ATP6V0A1: variants seen among roughly 807,000 people sequenced by gnomAD.
ATP6V0A1 encodes V-type proton ATPase 116 kDa subunit a 1.
ATP6V0A1 carries 43 observed loss-of-function variants against 105.4 expected under a neutral mutation model. The observed-to-expected ratio is 0.41, with a 90% CI of 0.32 to 0.53. The LOEUF (loss-of-function observed/expected upper bound fraction) is 0.53. Among genes scored for constraint, ATP6V0A1 ranks in the 20% least tolerant of loss-of-function variants. ATP6V0A1 has a pLI of 0.30. For missense variants in ATP6V0A1, 676 were observed against 1,051.1 expected, an observed-to-expected ratio of 0.64 and a Z score of 4.93; for synonymous variants, 362 against 372.8, an observed-to-expected ratio of 0.97 and a Z score of 0.33.
chr17:42,475,504 A>G (rs183929937), intron 5 of ATP6V0A1, among the ~76,000 whole-genome samples: 8 of 152,334 alleles, frequency 5.3e-5, no homozygotes. Flanking sequence ...CTTTCTCAAA[A>G]CATTATGAGA....
chr17:42,484,948 C>G (rs1011819075), intron 9 of ATP6V0A1, among the ~76,000 whole-genome samples: 1 of 150,740 alleles, frequency 6.6e-6, no homozygotes, highest in African/African-American at 2.4e-5. Context: ...CTCACAGATT[C>G]AAGCAATTCT....
intron 2 of ATP6V0A1, among the ~76,000 whole-genome samples, chr17:42,463,918 G>A (rs576537143): frequency 6.6e-6 from 1 of 152,250 alleles, no homozygotes; most frequent in Admixed American, 6.5e-5. Context: ...AAAATCATAA[G>A]GAAGATAAAC....
Position 42,501,249 on chromosome 17 carries a change from T to C in ATP6V0A1, c.1949T>C (p.Met650Thr). 6.2e-7 allele frequency: 1 copy of C among 1,614,162 alleles called. No homozygotes were observed. ...VVVALLCVPW[M>T]LLFKPLVLRR... Reference sequence around the variant, plus strand: ...GTTGCACTACTGTGTGTACCTTGGATGCTGCTGTTTAAACCATTGGTCCTT... The same window carrying C: ...GTTGCACTACTGTGTGTACCTTGGACGCTGCTGTTTAAACCATTGGTCCTT... The change falls in exon 17 of 22, where the codon ATG becomes ACG. Residue 650 changes from methionine to threonine, a missense_variant. This residue lies in a region of ATP6V0A1 where 435 missense variants were observed against 642.2 expected (regional missense o/e 0.68). Transcript: ENST00000343619.
chr17:42,493,732 T>G (rs981869889), intron 11 of ATP6V0A1, among the ~76,000 whole-genome samples: 6 of 152,114 alleles, frequency 3.9e-5, no homozygotes, highest in Non-Finnish European at 7.4e-5. Context: ...GAGGATAACT[T>G]GAGTCCAGGG....
At chr17:42,481,207 G>C (rs1215622811) in intron 8 of ATP6V0A1, 1 of 151,164 alleles carries the variant, frequency 6.6e-6, no homozygotes, top group African/African-American at 2.4e-5. Context: ...AGAGGCGTGA[G>C]CCACTAAATT....
At chr17:42,501,618 T>A (rs1201078636) in intron 17 of ATP6V0A1, among the ~76,000 whole-genome samples, 2 of 151,344 alleles carry the variant, frequency 1.3e-5, no homozygotes. Flanking sequence ...TTTCACCATG[T>A]TAGCCAGGCT....
chr17:42,518,638 CTT>C (rs2146362491), intron 21 of ATP6V0A1: 1 of 152,400 alleles, frequency 6.6e-6, no homozygotes, highest in South Asian at 2.1e-4. Flanking sequence ...TGAATGATGT[CTT>C]TTGGCCCCAG....
intron 9 of ATP6V0A1, among the ~76,000 whole-genome samples, chr17:42,484,549 C>T (rs1005066975): frequency 3.3e-5 from 5 of 152,102 alleles, no homozygotes; most frequent in Admixed American, 6.6e-5. Context: ...CCAAAAAGCT[C>T]TGGTGTGACT....
intron 11 of ATP6V0A1, among the ~76,000 whole-genome samples, chr17:42,493,131 A>C (rs2146007365): frequency 1.3e-5 from 2 of 152,346 alleles, no homozygotes; most frequent in South Asian, 4.1e-4. Flanking sequence ...GTTTCTTCTA[A>C]GATGTCTGAT....
chr17:42,462,380 T>C (rs908982701), intron 2 of ATP6V0A1, among the ~76,000 whole-genome samples: 1 of 152,000 alleles, frequency 6.6e-6, no homozygotes, highest in Non-Finnish European at 1.5e-5. Flanking sequence ...CAGTGATTTG[T>C]TTTGCTTTTA....
intron 5 of ATP6V0A1, 180 bp downstream of exon 5, chr17:42,470,398 C>A: frequency 2.9e-6 from 2 of 678,170 alleles, no homozygotes; most frequent in Non-Finnish European, 4.7e-6. Flanking sequence ...ACACAACCAG[C>A]CATGGTTTTG....
At chr17:42,474,861 A>C (rs1453294046) in intron 5 of ATP6V0A1, among the ~76,000 whole-genome samples, 1 of 152,222 alleles carries the variant, frequency 6.6e-6, no homozygotes, top group East Asian at 1.9e-4. Flanking sequence ...GTGAAAAATA[A>C]ACATATTGAA....
At chr17:42,475,772 G>C (rs1303769487) in intron 5 of ATP6V0A1, among the ~76,000 whole-genome samples, 1 of 152,198 alleles carries the variant, frequency 6.6e-6, no homozygotes, top group African/African-American at 2.4e-5. Flanking sequence ...CTCTAAGATA[G>C]AATTCTTAAG....
chr17:42,501,905 G>A (rs1050090852), intron 17 of ATP6V0A1, among the ~76,000 whole-genome samples: 5 of 151,968 alleles, frequency 3.3e-5, no homozygotes, highest in South Asian at 2.1e-4. Context: ...GTGTTGGCGC[G>A]TGCCTGTAGT....
intron 14 of ATP6V0A1, among the ~76,000 whole-genome samples, chr17:42,498,320 G>A (rs2091371390): frequency 6.6e-6 from 1 of 152,048 alleles, no homozygotes; most frequent in Non-Finnish European, 1.5e-5. Flanking sequence ...CATGATATCT[G>A]GACTTTTTAG....
chr17:42,466,357 A>C, intron 2 of ATP6V0A1, 72 bp from the exon 3 acceptor site: 1 of 1,331,750 alleles, frequency 7.5e-7, no homozygotes, highest in South Asian at 1.2e-5. Flanking sequence ...CGCTTTGCAG[A>C]ATGTGTTGCT....
At chr17:42,519,337 T>G (rs2092746801) in intron 21 of ATP6V0A1, 2 of 152,236 alleles carry the variant, frequency 1.3e-5, no homozygotes, top group South Asian at 4.1e-4. Context: ...GGGGTGGGGG[T>G]CAGAGTTCTG....
rs751726630 is a variant in ATP6V0A1, at chr17:42,478,571, C to T, written c.615C>T (p.Pro205=). Residue 205 remains proline, a synonymous_variant, in exon 7 of 22, where the codon CCC becomes CCT. Transcript: ENST00000343619. ...TGCGACAGGCTGAAATCGAGAACCC[C>T]CTGGAGGATCCTGTGACTGTAAGAC... The part of the protein sequence containing the change: ...VFLRQAEIEN[P]LEDPVTGDYV... The T allele has an allele frequency of 5.7e-6, 9 of 1,589,038 alleles. No individual in the cohort carries two copies. The highest frequency in any genetic ancestry group is 1.7e-5 in the Admixed American group (1 of 58,472).
intron 8 of ATP6V0A1, 88 bp downstream of exon 8, chr17:42,480,837 T>G: frequency 8.3e-7 from 1 of 1,203,704 alleles, no homozygotes; most frequent in South Asian, 1.4e-5. Context: ...ATACAAATCC[T>G]TTTTAGTCTA....
Sources: gnomAD v4.1 joint callset for allele counts (sites outside exome capture counted in the v4.1 genomes callset) on GRCh38, gnomAD v4.1.1 for gene constraint, gnomAD v4.1.1 regional missense constraint, MANE v1.5 for transcripts, NCBI Gene and HGNC (gene_info 2026-07-23, HGNC 2026-07-21) for gene names.